Variants in FARS2 observed in about 807,000 individuals in gnomAD.
The protein encoded by FARS2 is phenylalanyl-tRNA synthetase 2, mitochondrial, also known as phenylalanine--tRNA ligase, mitochondrial.
A neutral mutation model predicts 46.4 loss-of-function variants in FARS2; 40 were observed. That is an observed-to-expected ratio of 0.86 (90% CI 0.67 to 1.12). The LOEUF (loss-of-function observed/expected upper bound fraction) is 1.12, where lower values mean the gene tolerates loss of function less well. Among genes scored for constraint, FARS2 ranks in the 50% most tolerant of loss-of-function variants. The pLI, the probability that FARS2 is intolerant of heterozygous loss-of-function variation, is 0.00. For missense variants in FARS2, 513 were observed against 567.9 expected (o/e 0.90, Z 0.98); for synonymous variants, 234 against 214.9 (o/e 1.09, Z -0.78).
intron 5 of FARS2, among the ~76,000 whole-genome samples, chr6:5,565,560 T>C (rs1362700828): frequency 6.6e-6 from 1 of 152,240 alleles, no homozygotes; most frequent in Non-Finnish European, 1.5e-5. Flanking sequence ...TTTATCTTCA[T>C]GGTTTACAGT....
At chr6:5,314,749 A>C (rs1349440916) in intron 1 of FARS2, among the ~76,000 whole-genome samples, 1 of 152,200 alleles carries the variant, frequency 6.6e-6, no homozygotes, top group African/African-American at 2.4e-5. Context: ...CCACTGGCTC[A>C]GTGGCCTCCA....
At position 5,399,294 on chromosome 6, in the gene FARS2, C is replaced by G. The variant is rs544035368; in HGVS notation, c.613-5248C>G. Among the ~76,000 whole-genome samples the G allele has an allele frequency of 3.5e-4, 53 of 151,886 alleles. 1 individual carries two copies. In the South Asian group the frequency reaches 0.011, roughly 30 times the overall value. On this transcript the variant is annotated intron_variant, in intron 2 of 6. Coordinates refer to ENST00000274680, the MANE Select transcript of FARS2 (RefSeq NM_006567.5). The stretch of plus-strand genomic sequence containing the variant: ...GGTTCAAGTGATTCTCTTGTCTCAG[C>G]CTCCCAAGTAGCTGGGATCACAGAC...
At chr6:5,492,091 A>G (rs2150362802) in intron 4 of FARS2, among the ~76,000 whole-genome samples, 1 of 152,346 alleles carries the variant, frequency 6.6e-6, no homozygotes, top group Admixed American at 6.5e-5. Flanking sequence ...ATGAAACGGT[A>G]TGTGCATAGA....
intron 1 of FARS2, among the ~76,000 whole-genome samples, chr6:5,268,163 A>C (rs1049328324): frequency 6.6e-6 from 1 of 151,628 alleles, no homozygotes; most frequent in Non-Finnish European, 1.5e-5. Context: ...TTGCCTGTTC[A>C]CTCTGATGGT....
chr6:5,466,835 G>C, intron 4 of FARS2: 1 of 985,442 alleles, frequency 1.0e-6, no homozygotes, highest in Non-Finnish European at 1.2e-6. Flanking sequence ...GTTGGGAATG[G>C]AGCCCATTTG....
chr6:5,412,301 A>C (rs995904881), intron 3 of FARS2, among the ~76,000 whole-genome samples: 11 of 152,182 alleles, frequency 7.2e-5, no homozygotes, highest in African/African-American at 2.7e-4. Flanking sequence ...TGGCAAGAAT[A>C]CAAAGGCCCT....
At chr6:5,663,965 G>A (rs9392086) in intron 6 of FARS2, among the ~76,000 whole-genome samples, 100,743 of 152,062 alleles carry the variant, frequency 0.66, 33,968 homozygotes, top group Non-Finnish European at 0.74. Context: ...AGGTGCTTAA[G>A]TGGCCCCACA....
chr6:5,498,638 A>G (rs1767612056), intron 4 of FARS2, among the ~76,000 whole-genome samples: 1 of 152,102 alleles, frequency 6.6e-6, no homozygotes, highest in African/African-American at 2.4e-5. Context: ...TAGTTTACAC[A>G]AAAAGTAGAG....
chr6:5,683,228 A>G (rs535397991), intron 6 of FARS2, among the ~76,000 whole-genome samples: 4 of 152,192 alleles, frequency 2.6e-5, no homozygotes, highest in African/African-American at 4.8e-5. Flanking sequence ...GAGGGCGGGC[A>G]CAGGAATGGA....
At chr6:5,261,311 C>G (rs1765103623), upstream of FARS2, 1 of 152,832 alleles carries the variant, frequency 6.5e-6, no homozygotes, top group Non-Finnish European at 1.5e-5. Context: ...CCCACGCCGG[C>G]TGCGGTCGCC....
intron 6 of FARS2, among the ~76,000 whole-genome samples, chr6:5,628,337 CT>C (rs145222837): frequency 0.012 from 1,772 of 152,336 alleles, 43 homozygotes; most frequent in African/African-American, 0.041. Flanking sequence ...AACTTCAGGT[CT>C]CTTGAAGGTG....
chr6:5,582,869 A>T (rs1455479531), intron 5 of FARS2, among the ~76,000 whole-genome samples: 1 of 152,236 alleles, frequency 6.6e-6, no homozygotes, highest in East Asian at 1.9e-4. Context: ...TTCAACTTGC[A>T]GGTTCCATGA....
At chr6:5,689,363 G>A (rs1055324291) in intron 6 of FARS2, among the ~76,000 whole-genome samples, 2 of 151,924 alleles carry the variant, frequency 1.3e-5, no homozygotes, top group African/African-American at 2.4e-5. Context: ...TCTACACACT[G>A]CTTTGAATGC....
chr6:5,635,059 A>G (rs1245143976), intron 6 of FARS2, among the ~76,000 whole-genome samples: 1 of 152,180 alleles, frequency 6.6e-6, no homozygotes, highest in Non-Finnish European at 1.5e-5. Context: ...TGGCCGTGGA[A>G]CCATTCGAGC....
intron 6 of FARS2, among the ~76,000 whole-genome samples, chr6:5,685,383 G>A (rs932500284): frequency 2.0e-5 from 3 of 152,178 alleles, no homozygotes; most frequent in African/African-American, 7.2e-5. Flanking sequence ...CTTCAGAACT[G>A]CCCTGTCCAG....
chr6:5,541,046 G>C (rs1328544475), intron 4 of FARS2, among the ~76,000 whole-genome samples: 1 of 152,128 alleles, frequency 6.6e-6, no homozygotes, highest in Non-Finnish European at 1.5e-5. Flanking sequence ...CAGATTCCTA[G>C]GGGGTCTATG....
rs1237907832 is a variant in FARS2, at chr6:5,613,274, G to A, written c.1171G>A (p.Asp391Asn). 6.2e-7 allele frequency: 1 copy of A among 1,613,554 alleles called. No individual in the cohort carries two copies. Among genetic ancestry groups the A allele is most frequent in the Admixed American group, 1.7e-5 (1 of 59,974 alleles). Residue 391 changes from aspartate (D) to asparagine (N), a missense_variant, in exon 6 of 7, where the codon GAC (aspartate) becomes AAC (asparagine). Transcript: ENST00000274680. Reference sequence around the variant, plus strand: ...TGACTTAGTCCGAACAATTGGAGGAGACCTGGTGGAAAAGGTTGATCTCAT... The same window carrying A: ...TGACTTAGTCCGAACAATTGGAGGAAACCTGGTGGAAAAGGTTGATCTCAT... ...FYDLVRTIGG[D>N]LVEKVDLIDK...
intron 5 of FARS2, among the ~76,000 whole-genome samples, chr6:5,560,037 G>T (rs1194589513): frequency 1.3e-5 from 2 of 152,102 alleles, no homozygotes; most frequent in African/African-American, 4.8e-5. Flanking sequence ...TTAGCTTACC[G>T]CCTTTGAAAA....
At chr6:5,710,271 A>T (rs929983378) in intron 6 of FARS2, among the ~76,000 whole-genome samples, 9 of 152,208 alleles carry the variant, frequency 5.9e-5, no homozygotes, top group African/African-American at 1.9e-4. Context: ...TGGTCAGGAG[A>T]TTCACTGTGG....
Sources: gnomAD v4.1 joint callset for allele counts (sites outside exome capture counted in the v4.1 genomes callset) on GRCh38, gnomAD v4.1.1 for gene constraint, MANE v1.5 for transcripts, NCBI Gene and HGNC (gene_info 2026-07-23, HGNC 2026-07-21) for gene names.